The following SPIRE1 variants were observed in gnomAD, a reference collection of about 807,000 sequenced individuals.
The protein encoded by SPIRE1 is spire type actin nucleation factor 1, also known as protein spire homolog 1.
A neutral mutation model predicts 94.1 loss-of-function variants in SPIRE1; 40 were observed. That is an observed-to-expected ratio of 0.43 (90% confidence interval 0.33 to 0.55). The LOEUF is 0.55. Among genes scored for constraint, SPIRE1 ranks in the 20% least tolerant of loss-of-function variants. SPIRE1 has a pLI of 0.06. For synonymous variants in SPIRE1, 376 were observed against 371.7 expected (o/e 1.01, Z -0.13); for missense variants, 838 against 975.2 (o/e 0.86, Z 1.87).
intron 1 of SPIRE1, among the ~76,000 whole-genome samples, chr18:12,656,159 A>G (rs566656071): frequency 1.3e-5 from 2 of 152,258 alleles, no homozygotes; most frequent in East Asian, 3.9e-4. Context: ...TCGGCATCCC[A>G]AAGTGCTGGG....
At chr18:12,525,476 C>T (rs555542033) in intron 4 of SPIRE1, among the ~76,000 whole-genome samples, 3 of 151,810 alleles carry the variant, frequency 2.0e-5, no homozygotes, top group African/African-American at 7.2e-5. Flanking sequence ...TTTAATTCAA[C>T]ACTGTTGTCA....
intron 2 of SPIRE1, among the ~76,000 whole-genome samples, chr18:12,558,249 A>G (rs2035576830): frequency 6.6e-6 from 1 of 152,068 alleles, no homozygotes; most frequent in Non-Finnish European, 1.5e-5. Flanking sequence ...TCAGGAGTGA[A>G]GCTGCAGACC....
chr18:12,526,119 G>A (rs74856566), intron 4 of SPIRE1, among the ~76,000 whole-genome samples: 1,466 of 123,982 alleles, frequency 0.012, 32 homozygotes, highest in African/African-American at 0.045. Flanking sequence ...CCTGCAGAAA[G>A]CCATTCAGAG....
chr18:12,455,932 T>C (rs975237509), intron 12 of SPIRE1, among the ~76,000 whole-genome samples: 1 of 152,218 alleles, frequency 6.6e-6, no homozygotes, highest in Admixed American at 6.5e-5. Context: ...TGCAAACTTG[T>C]CAAACATTAG....
chr18:12,457,180 C>A (rs536997591), intron 12 of SPIRE1, among the ~76,000 whole-genome samples: 4 of 152,180 alleles, frequency 2.6e-5, no homozygotes, highest in Admixed American at 2.6e-4. Context: ...CTTTCTTGTT[C>A]TTTTTTAAAA....
intron 2 of SPIRE1, among the ~76,000 whole-genome samples, chr18:12,608,174 A>AATC: frequency 6.7e-6 from 1 of 150,322 alleles, no homozygotes; most frequent in African/African-American, 2.4e-5. Flanking sequence ...AAAAAAAAAA[A>AATC]TCTCACCTAC....
intron 2 of SPIRE1, among the ~76,000 whole-genome samples, chr18:12,601,346 C>T (rs1053886962): frequency 2.0e-5 from 3 of 151,882 alleles, no homozygotes; most frequent in Non-Finnish European, 2.9e-5. Flanking sequence ...TCACTTGAAC[C>T]CAGGAGGTGG....
At chr18:12,450,753 G>A in intron 16 of SPIRE1, 2 of 701,162 alleles carry the variant, frequency 2.9e-6, no homozygotes, top group Non-Finnish European at 5.2e-6. Context: ...TTCCTGCTCT[G>A]TTCAGAATTC....
At chr18:12,478,534 TAGCTAGGGTGTGTGTGTGA>T (rs563189547) in intron 10 of SPIRE1, among the ~76,000 whole-genome samples, 12,724 of 142,376 alleles carry the variant, frequency 0.089, 728 homozygotes, top group Middle Eastern at 0.22. Flanking sequence ...TGTGTGTGTG[TAGCTAGGGTGTGTGTGTGA>T]AGCTAGGGTG....
At position 12,547,812 on chromosome 18, in the gene SPIRE1, T is replaced by C. The variant is rs767881891; in HGVS notation, c.373-908A>G. ...CAAAAATGAGCTGGGCGTGGTGGCGTGTGCCGGTAATCCCAGTTTCTTGGA... is the reference window on the plus strand; with the variant it reads ...CAAAAATGAGCTGGGCGTGGTGGCGCGTGCCGGTAATCCCAGTTTCTTGGA... On this transcript the variant is annotated intron_variant, in intron 2 of 16. Transcript: ENST00000409402. Among the ~76,000 whole-genome samples, 55 of 152,148 alleles carry C rather than the reference T, an allele frequency of 3.6e-4. 1 individual carries two copies. The highest frequency in any genetic ancestry group is 6.2e-4 in the Non-Finnish European group (42 of 68,032).
At chr18:12,650,150 A>G (rs1489899136) in intron 1 of SPIRE1, among the ~76,000 whole-genome samples, 1 of 151,858 alleles carries the variant, frequency 6.6e-6, no homozygotes, top group African/African-American at 2.4e-5. Context: ...GAGGTGCGAG[A>G]ATTGCTTGAA....
At chr18:12,526,562 A>G (rs968521980) in intron 4 of SPIRE1, among the ~76,000 whole-genome samples, 3 of 152,238 alleles carry the variant, frequency 2.0e-5, no homozygotes, top group African/African-American at 7.2e-5. Flanking sequence ...CAGTAAGAGT[A>G]GCACTTAAAA....
Position 12,448,748 on chromosome 18 carries a change from G to A in SPIRE1, c.*890C>T, listed in dbSNP as rs1225633573. 1 of 152,138 alleles carries A rather than the reference G, an allele frequency of 6.6e-6. No homozygotes were observed. Among genetic ancestry groups the A allele is most frequent in the African/African-American group, 2.4e-5 (1 of 41,414 alleles). 9.4% of individuals were successfully genotyped at this position (152,138 alleles called of 1,614,324 possible). ...GAAAAATGTAGCTGAAAACCCATGA[G>A]CTCCAGCTCATTTCTGCAGCGTGGC... is the stretch of plus-strand genomic sequence containing the variant. On this transcript the variant is annotated 3_prime_UTR_variant, in exon 17 of 17. Transcript: ENST00000409402. This position sits in a 1 kb window ranked among gnomAD's most constrained non-coding sequence, Gnocchi z 4.4.
chr18:12,605,721 C>T (rs2036956545), intron 2 of SPIRE1, among the ~76,000 whole-genome samples: 1 of 152,064 alleles, frequency 6.6e-6, no homozygotes, highest in Non-Finnish European at 1.5e-5. Context: ...TTGAATTACT[C>T]CTAGGTACAA....
intron 1 of SPIRE1, among the ~76,000 whole-genome samples, chr18:12,639,379 T>C (rs1388079978): frequency 6.6e-6 from 1 of 152,194 alleles, no homozygotes; most frequent in Non-Finnish European, 1.5e-5. Flanking sequence ...ACTCAGAACT[T>C]GTCAAGTGTA....
chr18:12,637,350 C>T (rs1272246513), intron 1 of SPIRE1, among the ~76,000 whole-genome samples: 2 of 121,718 alleles, frequency 1.6e-5, no homozygotes, highest in African/African-American at 5.9e-5. Context: ...CAGAGTGAGA[C>T]TCTGTCTCAA....
intron 7 of SPIRE1, among the ~76,000 whole-genome samples, chr18:12,493,627 G>C (rs117699678): frequency 1.3e-5 from 2 of 152,000 alleles, no homozygotes; most frequent in African/African-American, 4.8e-5. Context: ...GGCTGGTCTC[G>C]ATCTCCTGAT....
chr18:12,539,182 C>A (rs1382565790), intron 3 of SPIRE1, among the ~76,000 whole-genome samples: 3 of 152,194 alleles, frequency 2.0e-5, no homozygotes, highest in Admixed American at 1.3e-4. Flanking sequence ...TGTGTCCCCA[C>A]CCAAATCTCA....
chr18:12,476,685 AATATAT>A (rs1162843692), intron 10 of SPIRE1, among the ~76,000 whole-genome samples: 1 of 149,650 alleles, frequency 6.7e-6, no homozygotes, highest in Non-Finnish European at 1.5e-5. Context: ...AAAACTTCTA[AATATAT>A]ATATTAAAAA....
Sources: allele counts gnomAD v4.1 joint callset (sites outside exome capture counted in the v4.1 genomes callset), GRCh38; gene constraint gnomAD v4.1.1; non-coding constraint Gnocchi (gnomAD v3.1); transcripts MANE v1.5; gene names NCBI Gene and HGNC (gene_info 2026-07-23, HGNC 2026-07-21).